DNAH3: variants seen among roughly 807,000 people sequenced by gnomAD.
DNAH3 encodes axonemal beta dynein heavy chain 3.
A neutral mutation model predicts 432.5 loss-of-function variants in DNAH3; 332 were observed. The observed-to-expected ratio is 0.77, with a 90% CI of 0.70 to 0.84. DNAH3 has a LOEUF of 0.84. DNAH3 is among the 40% of genes least tolerant of loss of function. DNAH3 has a pLI of 0.00. For synonymous variants in DNAH3, 1,956 were observed against 1,900.2 expected, an observed-to-expected ratio of 1.03 and a Z score of -0.76; for missense variants, 4,861 against 5,114.0, an observed-to-expected ratio of 0.95 and a Z score of 1.51.
In DNAH3 at chr16:20,936,891, G is replaced by A. The variant is rs200777768; in HGVS notation, c.11655-38C>T. 40 of 1,549,756 alleles carry A rather than the reference G, an allele frequency of 2.6e-5. No individual in the cohort carries two copies. The Admixed American group carries it at 4.7e-4, about 18-fold the overall frequency. On this transcript the variant is annotated intron_variant, in intron 59 of 61. Transcript: ENST00000261383. ...AGGAGCTGGCTGAGCTGGGCTCTCC[G>A]GTGGCCACATTCTACCCAAGTCCAC...
chr16:21,129,977 C>A (rs966333255), intron 7 of DNAH3: 2 of 151,110 alleles, frequency 1.3e-5, no homozygotes, highest in African/African-American at 2.4e-5. Flanking sequence ...CTGTTTTCCC[C>A]CTAGAAAAAT....
Position 21,140,618 on chromosome 16 carries a change from G to A in DNAH3, c.614C>T (p.Pro205Leu), listed in dbSNP as rs145300359. Reference sequence around the variant, plus strand: ...TAACATGACATCGAGCTGCTGTTCTGGACTCATTGGTCTGCTTCCTGGGAA... The same window carrying A: ...TAACATGACATCGAGCTGCTGTTCTAGACTCATTGGTCTGCTTCCTGGGAA... The change falls in exon 5 of 62, where the codon CCA becomes CTA. Residue 205 changes from proline (P) to leucine (L), a missense_variant. By Grantham distance (98) the Pro-to-Leu change is moderately conservative. Transcript: ENST00000261383. 1.1e-4 allele frequency: 179 copies of A among 1,613,982 alleles called. 1 individual carries two copies. Among genetic ancestry groups the A allele is most frequent in the Non-Finnish European group, 2.0e-5 (24 of 1,179,988 alleles).
At chr16:20,970,794 G>A (rs1050423161) in intron 51 of DNAH3, among the ~76,000 whole-genome samples, 1 of 151,696 alleles carries the variant, frequency 6.6e-6, no homozygotes, top group Non-Finnish European at 1.5e-5. Flanking sequence ...TGAATCAAGA[G>A]TTGGTGACCT....
At chr16:21,036,907 A>G in intron 34 of DNAH3, 59 bp from the exon 35 acceptor site, 3 of 1,395,934 alleles carry the variant, frequency 2.1e-6, no homozygotes, top group Non-Finnish European at 3.0e-6. Flanking sequence ...TATGACCTCA[A>G]CATTTTCCTA....
chr16:21,134,473 A>AAC lies in DNAH3; in HGVS notation c.887-21_887-20dup. The AAC allele has an allele frequency of 6.2e-7, 1 of 1,608,982 alleles. No homozygotes were observed. Among genetic ancestry groups the AAC allele is most frequent in the South Asian group, 1.1e-5 (1 of 90,768 alleles). On this transcript the variant is annotated intron_variant, in intron 6 of 61. Transcript: ENST00000261383. ...TAATCAACTACAACCGGAAAGGGCG[A>AAC]ACACCTCATTATTAAGCTCTAAGGG...
At chr16:21,089,125 C>T (rs1247262196) in intron 18 of DNAH3, among the ~76,000 whole-genome samples, 1 of 152,190 alleles carries the variant, frequency 6.6e-6, no homozygotes, top group Admixed American at 6.5e-5. Context: ...ATTTCTGGGC[C>T]CCATTCCCAG....
At chr16:20,972,894 A>G (rs750233633) in intron 51 of DNAH3, among the ~76,000 whole-genome samples, 2 of 151,764 alleles carry the variant, frequency 1.3e-5, no homozygotes, top group Non-Finnish European at 2.9e-5. Flanking sequence ...ACGCCCGGCT[A>G]ATTTTTATTC....
chr16:21,084,819 G>A (rs959022541), intron 19 of DNAH3, among the ~76,000 whole-genome samples: 8 of 152,070 alleles, frequency 5.3e-5, no homozygotes, highest in African/African-American at 1.9e-4. Context: ...GCATCATAGA[G>A]GAAGCACCAG....
intron 31 of DNAH3, among the ~76,000 whole-genome samples, chr16:21,045,849 C>A (rs1399309322): frequency 2.2e-5 from 3 of 138,382 alleles, no homozygotes; most frequent in Non-Finnish European, 4.7e-5. Flanking sequence ...GCTTTGAATG[C>A]GTCCCAGAGA....
intron 15 of DNAH3, 95 bp downstream of exon 15, chr16:21,106,395 T>A: frequency 9.8e-7 from 1 of 1,017,318 alleles, no homozygotes; most frequent in East Asian, 2.8e-5. Context: ...CCTAAATATA[T>A]AAATACATAT....
chr16:21,062,515 T>C (rs370953977), exon 25 of DNAH3: 111 of 1,614,086 alleles, frequency 6.9e-5, no homozygotes, highest in Middle Eastern at 3.3e-4. Flanking sequence ...TCTGTATGAA[T>C]GGAACAGTTT....
intron 28 of DNAH3, 91 bp from the exon 29 acceptor site, chr16:21,051,959 G>A: frequency 2.9e-6 from 3 of 1,020,566 alleles, no homozygotes; most frequent in Non-Finnish European, 4.6e-6. Flanking sequence ...ATGTTATCAA[G>A]GTCCCCCATT....
chr16:21,085,477 G>A (rs1169461438), intron 19 of DNAH3, among the ~76,000 whole-genome samples: 1 of 141,752 alleles, frequency 7.1e-6, no homozygotes, highest in African/African-American at 2.7e-5. Flanking sequence ...GTAGTGAGCC[G>A]AGATCATGTC....
intron 11 of DNAH3, chr16:21,120,720 TGTA>T (rs1459282343): frequency 5.7e-6 from 9 of 1,567,048 alleles, no homozygotes; most frequent in East Asian, 4.5e-5. Flanking sequence ...ATTCATCAAA[TGTA>T]GTACCGGCCC....
intron 7 of DNAH3, 23 bp downstream of exon 8, chr16:21,134,236 A>G (rs186507759): frequency 1.3e-6 from 2 of 1,599,694 alleles, no homozygotes; most frequent in East Asian, 4.5e-5. Context: ...AGGGAATGAA[A>G]AAAAAAGGGA....
intron 44 of DNAH3, among the ~76,000 whole-genome samples, chr16:20,995,519 T>G (rs1366169166): frequency 2.0e-5 from 3 of 152,186 alleles, no homozygotes. Flanking sequence ...CACTTTGGCC[T>G]CCCAAAGTGT....
intron 52 of DNAH3, among the ~76,000 whole-genome samples, chr16:20,968,446 A>G (rs889055678): frequency 6.6e-6 from 1 of 152,192 alleles, no homozygotes; most frequent in African/African-American, 2.4e-5. Flanking sequence ...AAGACTCAAA[A>G]GGCAGGAAAT....
At chr16:21,102,908 G>A (rs900400212) in intron 16 of DNAH3, among the ~76,000 whole-genome samples, 1 of 144,502 alleles carries the variant, frequency 6.9e-6, no homozygotes, top group Non-Finnish European at 1.5e-5. Context: ...ACAGAATCTC[G>A]CTCTGTCACC....
intron 1 of DNAH3, among the ~76,000 whole-genome samples, chr16:21,156,358 T>C (rs1035032020): frequency 2.0e-5 from 3 of 151,952 alleles, no homozygotes; most frequent in African/African-American, 7.3e-5. Flanking sequence ...CAGCCTCCCA[T>C]GTAGCTGGGA....
Sources: gnomAD v4.1 joint callset for allele counts (sites outside exome capture counted in the v4.1 genomes callset) on GRCh38, gnomAD v4.1.1 for gene constraint, MANE v1.5 for transcripts, NCBI Gene and HGNC (gene_info 2026-07-23, HGNC 2026-07-21) for gene names.